FCHO2: variants seen among roughly 807,000 people sequenced by gnomAD.
FCHO2 encodes the protein F-BAR domain only protein 2.
Under a neutral mutation model 114.1 loss-of-function variants are expected in FCHO2, and 43 were observed. That is an observed-to-expected ratio of 0.38 (90% CI 0.30 to 0.49). The LOEUF (loss-of-function observed/expected upper bound fraction) is 0.49. FCHO2 is among the 20% of genes least tolerant of loss of function. FCHO2 has a pLI of 0.97. For missense variants in FCHO2, 807 were observed against 950.4 expected (o/e 0.85, Z 1.98); for synonymous variants, 293 against 315.2 (o/e 0.93, Z 0.75).
chr5:73,022,564 T>C (rs1233152233), intron 8 of FCHO2, among the ~76,000 whole-genome samples: 1 of 152,232 alleles, frequency 6.6e-6, no homozygotes, highest in Non-Finnish European at 1.5e-5. Context: ...TGCTAGATCA[T>C]TGCATTCGTC....
At chr5:72,956,960 G>GT (rs1751581356) in intron 1 of FCHO2, among the ~76,000 whole-genome samples, 1 of 152,010 alleles carries the variant, frequency 6.6e-6, no homozygotes, top group Admixed American at 6.6e-5. Context: ...GTTTACTCAG[G>GT]TATCTTTCGT....
At chr5:73,043,746 T>C (rs1756922947) in intron 11 of FCHO2, among the ~76,000 whole-genome samples, 1 of 152,130 alleles carries the variant, frequency 6.6e-6, no homozygotes, top group Non-Finnish European at 1.5e-5. Context: ...AAGATAAATA[T>C]GTGGATATAT....
At chr5:73,059,899 G>T (rs1757773414) in intron 17 of FCHO2, among the ~76,000 whole-genome samples, 3 of 151,862 alleles carry the variant, frequency 2.0e-5, no homozygotes, top group Admixed American at 2.0e-4. Context: ...ATGTCAGAAT[G>T]GCATTTTGTA....
chr5:73,039,557 TATA>T (rs979851734), intron 10 of FCHO2, among the ~76,000 whole-genome samples: 3 of 152,178 alleles, frequency 2.0e-5, no homozygotes, highest in Non-Finnish European at 4.4e-5. Context: ...TTTAGAAAAA[TATA>T]ATGTTTCTCA....
intron 8 of FCHO2, among the ~76,000 whole-genome samples, chr5:73,021,984 G>A (rs1278911193): frequency 3.9e-5 from 6 of 152,178 alleles, no homozygotes; most frequent in African/African-American, 1.4e-4. Context: ...TTTTACAGAT[G>A]AGGGAAATGT....
chr5:73,036,156 A>G (rs1756494622), intron 9 of FCHO2, among the ~76,000 whole-genome samples: 1 of 151,854 alleles, frequency 6.6e-6, no homozygotes, highest in Non-Finnish European at 1.5e-5. Context: ...TTAAGTGCTG[A>G]ATTCTATCAA....
At chr5:72,957,489 C>T (rs1319839638) in intron 1 of FCHO2, among the ~76,000 whole-genome samples, 1 of 152,212 alleles carries the variant, frequency 6.6e-6, no homozygotes, top group Non-Finnish European at 1.5e-5. Flanking sequence ...GTTTCTTTCA[C>T]TTAGCATAAT....
chr5:73,071,573 C>T (rs1225907760), intron 19 of FCHO2, among the ~76,000 whole-genome samples: 2 of 151,862 alleles, frequency 1.3e-5, no homozygotes, highest in Non-Finnish European at 2.9e-5. Flanking sequence ...ATGTAACAAA[C>T]CAAAATTAGA....
intron 5 of FCHO2, among the ~76,000 whole-genome samples, chr5:72,995,178 A>C (rs1207561123): frequency 6.7e-6 from 1 of 150,126 alleles, no homozygotes; most frequent in East Asian, 1.9e-4. Flanking sequence ...TGAAAGAAAT[A>C]ATCATAATAC....
At chr5:72,988,076 C>T (rs1391560679) in intron 2 of FCHO2, among the ~76,000 whole-genome samples, 1 of 152,122 alleles carries the variant, frequency 6.6e-6, no homozygotes, top group Non-Finnish European at 1.5e-5. Context: ...GTAGAATGTT[C>T]CCCTATTAAG....
chr5:73,074,489 ATTCC>A (rs1384424475), intron 19 of FCHO2, among the ~76,000 whole-genome samples: 1 of 151,964 alleles, frequency 6.6e-6, no homozygotes, highest in Non-Finnish European at 1.5e-5. Context: ...TTATTCTGAC[ATTCC>A]TTAACCATTC....
At chr5:73,005,532 A>G (rs1252183171) in intron 5 of FCHO2, among the ~76,000 whole-genome samples, 1 of 152,174 alleles carries the variant, frequency 6.6e-6, no homozygotes, top group Non-Finnish European at 1.5e-5. Flanking sequence ...TTGAAATCCT[A>G]TAGCTTGTCT....
chr5:73,049,881 CATAGATATATACAT>C (rs1475924647), intron 11 of FCHO2, among the ~76,000 whole-genome samples: 1 of 152,052 alleles, frequency 6.6e-6, no homozygotes, highest in Admixed American at 6.6e-5. Context: ...TATATATACA[CATAGATATATACAT>C]ACATATACAT....
chr5:73,006,570 G>C (rs746981139), intron 6 of FCHO2, 21 bp downstream of exon 6: 17 of 1,436,400 alleles, frequency 1.2e-5, no homozygotes, highest in African/African-American at 2.9e-5. Context: ...TAAGGCTTCA[G>C]ATTGAAAACA....
intron 19 of FCHO2, among the ~76,000 whole-genome samples, chr5:73,072,890 G>T (rs2112882504): frequency 6.6e-6 from 1 of 152,114 alleles, no homozygotes; most frequent in South Asian, 2.1e-4. Flanking sequence ...TAAATTTTAT[G>T]TTAAGTTTAT....
intron 5 of FCHO2, chr5:72,997,305 C>G (rs113936241): frequency 2.6e-6 from 4 of 1,543,764 alleles, no homozygotes. Context: ...GTGTTTATAG[C>G]AAGCATGGAG....
At chr5:73,003,815 G>A (rs186499991) in intron 5 of FCHO2, among the ~76,000 whole-genome samples, 15 of 152,030 alleles carry the variant, frequency 9.9e-5, no homozygotes, top group Admixed American at 2.0e-4. Flanking sequence ...AGGCCTAGGC[G>A]TGTGGATCAT....
At chr5:73,080,877 G>A (rs537812891) in intron 22 of FCHO2, among the ~76,000 whole-genome samples, 1 of 152,252 alleles carries the variant, frequency 6.6e-6, no homozygotes, top group East Asian at 1.9e-4. Flanking sequence ...TTGAGAGGCT[G>A]AGGCGAGAAG....
At chr5:73,085,030 TAAC>T (rs1444031298) in intron 24 of FCHO2, among the ~76,000 whole-genome samples, 1 of 152,182 alleles carries the variant, frequency 6.6e-6, no homozygotes, top group Non-Finnish European at 1.5e-5. Flanking sequence ...TGTAAATAAT[TAAC>T]AAGAAAGAAA....
Sources: gnomAD v4.1 joint callset for allele counts (sites outside exome capture counted in the v4.1 genomes callset) on GRCh38, gnomAD v4.1.1 for gene constraint, MANE v1.5 for transcripts, NCBI Gene and HGNC (gene_info 2026-07-23, HGNC 2026-07-21) for gene names.